GALNT13: variants seen among roughly 807,000 people sequenced by gnomAD.
GALNT13 encodes the protein polypeptide N-acetylgalactosaminyltransferase 13, also known as UDP-GalNAc:polypeptide N-acetylgalactosaminyltransferase 13.
In GALNT13, 28 loss-of-function variants were observed where a neutral mutation model predicts 64.2. The observed-to-expected ratio is 0.44, with a 90% CI of 0.32 to 0.60. The LOEUF (loss-of-function observed/expected upper bound fraction) is 0.60. GALNT13 is among the 20% of genes least tolerant of loss of function. The pLI, the probability that GALNT13 is intolerant of heterozygous loss-of-function variation, is 0.05. For missense variants in GALNT13, 577 were observed against 669.8 expected, an observed-to-expected ratio of 0.86 and a Z score of 1.53; for synonymous variants, 214 against 224.6, an observed-to-expected ratio of 0.95 and a Z score of 0.42.
intron 9 of GALNT13, among the ~76,000 whole-genome samples, chr2:154,350,478 C>T (rs143376207): frequency 2.0e-5 from 3 of 152,334 alleles, no homozygotes; most frequent in African/African-American, 4.8e-5. Context: ...CAGGGGCTCT[C>T]GGGCTTTCAG....
chr2:153,393,652 C>T, the GALNT13 span, among the ~76,000 whole-genome samples: 27 of 151,416 alleles, frequency 1.8e-4, no homozygotes, highest in East Asian at 4.1e-3. Flanking sequence ...TTTCTGTGAA[C>T]GTATTTTCCA....
intron 4 of GALNT13, among the ~76,000 whole-genome samples, chr2:154,215,838 C>T (rs1688011884): frequency 6.6e-6 from 1 of 151,994 alleles, no homozygotes; most frequent in Non-Finnish European, 1.5e-5. Context: ...TTTACAGTGC[C>T]TTTTCAATGG....
At chr2:154,105,936 G>A (rs1420944825) in intron 3 of GALNT13, among the ~76,000 whole-genome samples, 1 of 152,106 alleles carries the variant, frequency 6.6e-6, no homozygotes, top group South Asian at 2.1e-4. Flanking sequence ...ATTAGCTGTG[G>A]CACTCATATA....
chr2:154,265,319 A>C (rs1360191257), intron 8 of GALNT13, among the ~76,000 whole-genome samples: 1 of 152,132 alleles, frequency 6.6e-6, no homozygotes, highest in East Asian at 1.9e-4. Context: ...TATAATTTTT[A>C]ATACTTTAAA....
chr2:153,186,072 A>C, the GALNT13 span, among the ~76,000 whole-genome samples: 4 of 152,016 alleles, frequency 2.6e-5, no homozygotes, highest in African/African-American at 7.2e-5. Flanking sequence ...AAAGTCTCCT[A>C]CTATTATTGT....
At chr2:153,743,245 C>T in the GALNT13 span, among the ~76,000 whole-genome samples, 6 of 152,162 alleles carry the variant, frequency 3.9e-5, no homozygotes, top group African/African-American at 1.4e-4. Flanking sequence ...AATTTACAGG[C>T]GTTTCCTTTT....
At chr2:153,853,796 T>A in the GALNT13 span, among the ~76,000 whole-genome samples, 1 of 150,470 alleles carries the variant, frequency 6.6e-6, no homozygotes, top group South Asian at 2.1e-4. Flanking sequence ...GATTCAATTA[T>A]ATAAAATTCT....
At position 154,178,428 on chromosome 2, in the gene GALNT13, A is replaced by AG. The variant is rs1276396818; in HGVS notation, c.311+37928dup. On this transcript the variant is annotated intron_variant, in intron 4 of 12. Coordinates refer to ENST00000392825, the MANE Select transcript of GALNT13 (RefSeq NM_052917.4). Reference sequence around the variant, plus strand: ...CCGGGGACTGTTGTGGGGTGGGGGGAGGGGGAGGGATAGCATTAGGAGATA... The same window carrying AG: ...CCGGGGACTGTTGTGGGGTGGGGGGAGGGGGGAGGGATAGCATTAGGAGATA... 9.8e-3 allele frequency among the ~76,000 whole-genome samples: 698 copies of AG among 71,302 alleles called. 6 individuals carry two copies. Among genetic ancestry groups the AG allele is most frequent in the African/African-American group, 0.036 (672 of 18,434 alleles). The allele number at this position is 71,302 out of a possible 152,430, so 46.8% of individuals were successfully genotyped here. A position where few individuals can be genotyped will look rare whatever the true frequency, so the allele number is the denominator to read the frequency against.
At chr2:154,238,379 A>G (rs1689306595) in intron 4 of GALNT13, among the ~76,000 whole-genome samples, 1 of 152,032 alleles carries the variant, frequency 6.6e-6, no homozygotes, top group South Asian at 2.1e-4. Flanking sequence ...AATTCATTTA[A>G]AAGCTTTTTC....
chr2:154,174,851 AT>A lies in GALNT13; in HGVS notation c.311+34347del, dbSNP rs1048789442. ...AATATTATCACGTTTTTCTAGCTGC[AT>A]GTCTATTATAATAATAAACATTTTC... On this transcript the variant is annotated intron_variant, in intron 4 of 12. Coordinates refer to ENST00000392825, the MANE Select transcript of GALNT13 (RefSeq NM_052917.4). Among the ~76,000 whole-genome samples, 753 of 152,262 alleles carry A rather than the reference AT, an allele frequency of 4.9e-3. 9 individuals carry two copies. The highest frequency in any genetic ancestry group is 0.017 in the African/African-American group (716 of 41,574).
At chr2:153,554,629 C>T in the GALNT13 span, among the ~76,000 whole-genome samples, 1 of 151,606 alleles carries the variant, frequency 6.6e-6, no homozygotes, top group African/African-American at 2.4e-5. Context: ...GGTCTGTTAC[C>T]AAATCCAGAA....
the GALNT13 span, among the ~76,000 whole-genome samples, chr2:153,199,319 T>C: frequency 6.6e-6 from 1 of 152,236 alleles, no homozygotes; most frequent in Non-Finnish European, 1.5e-5. Context: ...ACATAGCCAC[T>C]TACCATTCAG....
chr2:154,339,768 A>T (rs1161798183), intron 9 of GALNT13, among the ~76,000 whole-genome samples: 3 of 151,910 alleles, frequency 2.0e-5, no homozygotes, highest in African/African-American at 7.3e-5. Context: ...GTAGTAAAAA[A>T]CTTTATTTTG....
At chr2:153,440,376 G>A in the GALNT13 span, among the ~76,000 whole-genome samples, 21 of 152,304 alleles carry the variant, frequency 1.4e-4, no homozygotes, top group South Asian at 3.5e-3. Context: ...TTGGTTTGAA[G>A]TCTTTGCTGT....
At chr2:153,393,839 C>T in the GALNT13 span, among the ~76,000 whole-genome samples, 1 of 151,894 alleles carries the variant, frequency 6.6e-6, no homozygotes, top group African/African-American at 2.4e-5. Flanking sequence ...TAGGCTCTTC[C>T]CTGGGTCTCC....
At chr2:154,160,017 A>G (rs1315905380) in intron 4 of GALNT13, among the ~76,000 whole-genome samples, 1 of 152,176 alleles carries the variant, frequency 6.6e-6, no homozygotes, top group Non-Finnish European at 1.5e-5. Flanking sequence ...AAGAAGAGAT[A>G]CTTTTATTTG....
chr2:154,172,173 A>AT (rs1354585168), intron 4 of GALNT13, among the ~76,000 whole-genome samples: 1 of 151,952 alleles, frequency 6.6e-6, no homozygotes, highest in Non-Finnish European at 1.5e-5. Context: ...ACTTATTTTT[A>AT]TTTTTTACAG....
At chr2:153,736,391 G>A in the GALNT13 span, among the ~76,000 whole-genome samples, 2 of 152,096 alleles carry the variant, frequency 1.3e-5, no homozygotes, top group African/African-American at 4.8e-5. Context: ...TTCACCTGTG[G>A]TTTCCCTACT....
chr2:153,327,353 G>A, the GALNT13 span, among the ~76,000 whole-genome samples: 4 of 152,200 alleles, frequency 2.6e-5, no homozygotes, highest in African/African-American at 7.2e-5. Flanking sequence ...GGCCTATCTT[G>A]CTAGGTTGAG....
Sources: allele counts gnomAD v4.1 joint callset (sites outside exome capture counted in the v4.1 genomes callset), GRCh38; gene constraint gnomAD v4.1.1; transcripts MANE v1.5; gene names NCBI Gene and HGNC (gene_info 2026-07-23, HGNC 2026-07-21).